ELMO1: variants seen among roughly 807,000 people sequenced by gnomAD.
ELMO1 encodes the protein engulfment and cell motility protein 1.
Under a neutral mutation model 98.9 loss-of-function variants are expected in ELMO1, and 26 were observed. That is an observed-to-expected ratio of 0.26 (90% confidence interval 0.19 to 0.36). The LOEUF is 0.36. ELMO1 is among the 10% of genes least tolerant of loss of function. The pLI, the probability that ELMO1 is intolerant of heterozygous loss-of-function variation, is 1.00. For synonymous variants in ELMO1, 346 were observed against 346.0 expected (o/e 1.00, Z 0.00); for missense variants, 627 against 935.2 (o/e 0.67, Z 4.30).
intron 15 of ELMO1, among the ~76,000 whole-genome samples, chr7:37,053,105 A>T (rs915371719): frequency 3.3e-5 from 5 of 152,202 alleles, no homozygotes; most frequent in African/African-American, 7.2e-5. Context: ...AAACACATTT[A>T]AAAAAGTCTT....
intron 4 of ELMO1, among the ~76,000 whole-genome samples, chr7:37,283,095 A>G (rs1797224138): frequency 6.6e-6 from 1 of 152,222 alleles, no homozygotes; most frequent in Non-Finnish European, 1.5e-5. Context: ...AAAGGAGCAG[A>G]CAGAGATGGG....
chr7:37,392,755 G>T (rs1233111419), intron 1 of ELMO1, among the ~76,000 whole-genome samples: 1 of 152,204 alleles, frequency 6.6e-6, no homozygotes, highest in African/African-American at 2.4e-5. Context: ...CTTGACGTCT[G>T]CCTACAGGGA....
chr7:37,150,541 G>A (rs2129317700), intron 13 of ELMO1, among the ~76,000 whole-genome samples: 1 of 152,090 alleles, frequency 6.6e-6, no homozygotes, highest in East Asian at 1.9e-4. Flanking sequence ...GAATGAAAAG[G>A]GTAGAAATAT....
chr7:36,916,531 A>T (rs1784702431), intron 16 of ELMO1, among the ~76,000 whole-genome samples: 1 of 152,264 alleles, frequency 6.6e-6, no homozygotes, highest in Non-Finnish European at 1.5e-5. Flanking sequence ...ATCAGTTTAT[A>T]TTAAGTAGTC....
In ELMO1 at chr7:37,390,099, G is replaced by A. The variant is rs1317360614; in HGVS notation, c.-73-47336C>T. ...TGTCTGTGTATAGGCTATCACAGCA[G>A]CAAGTTGTAAAACTGCACCATGGAC... On this transcript the variant is annotated intron_variant, in intron 1 of 21. Transcript: ENST00000310758. 2.6e-5 allele frequency among the ~76,000 whole-genome samples: 4 copies of A among 152,078 alleles called. No homozygotes were observed. In the East Asian group the frequency reaches 7.7e-4, roughly 29 times the overall value.
chr7:37,204,701 G>T (rs1421789153), intron 13 of ELMO1, among the ~76,000 whole-genome samples: 2 of 152,214 alleles, frequency 1.3e-5, no homozygotes, highest in Admixed American at 6.5e-5. Context: ...ACAGAGTGCT[G>T]ATTGGTCTGT....
chr7:36,909,193 A>G (rs143277619), intron 16 of ELMO1, among the ~76,000 whole-genome samples: 36 of 152,376 alleles, frequency 2.4e-4, no homozygotes, highest in African/African-American at 8.4e-4. Flanking sequence ...TGGTAAAAAG[A>G]TTAGTGAGTA....
At chr7:37,318,162 G>A (rs1007739576) in intron 2 of ELMO1, among the ~76,000 whole-genome samples, 3 of 152,136 alleles carry the variant, frequency 2.0e-5, no homozygotes, top group Non-Finnish European at 2.9e-5. Context: ...ACTGTTTATG[G>A]CTCTTGCTGT....
intron 2 of ELMO1, among the ~76,000 whole-genome samples, chr7:37,328,327 G>A (rs1054328743): frequency 4.9e-4 from 68 of 138,436 alleles, no homozygotes; most frequent in African/African-American, 1.7e-3. Context: ...AGGCTGTAGT[G>A]AGCCAGGATC....
At chr7:37,202,686 T>G (rs148617883) in intron 13 of ELMO1, among the ~76,000 whole-genome samples, 1 of 152,336 alleles carries the variant, frequency 6.6e-6, no homozygotes, top group Non-Finnish European at 1.5e-5. Flanking sequence ...TACTGAATGA[T>G]CTGTAGAAAT....
chr7:36,935,243 C>A (rs1220245743), intron 16 of ELMO1, among the ~76,000 whole-genome samples: 2 of 152,198 alleles, frequency 1.3e-5, no homozygotes, highest in Non-Finnish European at 2.9e-5. Context: ...CTCTTCTCAT[C>A]TGCTGCTGTG....
intron 15 of ELMO1, among the ~76,000 whole-genome samples, chr7:37,044,231 G>C (rs542289694): frequency 8.5e-5 from 13 of 152,250 alleles, no homozygotes; most frequent in African/African-American, 3.1e-4. Context: ...AGTCAGCAGG[G>C]ACTATGATTG....
At chr7:37,072,787 T>C (rs1015089759) in intron 15 of ELMO1, among the ~76,000 whole-genome samples, 3 of 152,226 alleles carry the variant, frequency 2.0e-5, no homozygotes, top group Admixed American at 6.5e-5. Context: ...ACCACTCACA[T>C]GCAATTACAA....
At chr7:37,377,207 T>C (rs371594114) in intron 1 of ELMO1, among the ~76,000 whole-genome samples, 1 of 152,224 alleles carries the variant, frequency 6.6e-6, no homozygotes, top group East Asian at 1.9e-4. Context: ...GTACAGTTTC[T>C]ACCGAATGCT....
At chr7:37,041,100 A>G (rs1490926493) in intron 15 of ELMO1, among the ~76,000 whole-genome samples, 1 of 152,098 alleles carries the variant, frequency 6.6e-6, no homozygotes, top group East Asian at 1.9e-4. Flanking sequence ...TAATAATAAA[A>G]TAAAATAAAT....
chr7:36,995,135 A>G (rs914362991), intron 16 of ELMO1, among the ~76,000 whole-genome samples: 3 of 152,222 alleles, frequency 2.0e-5, no homozygotes, highest in Non-Finnish European at 4.4e-5. Context: ...TAAAAAAGAA[A>G]AATATAATTA....
At chr7:37,122,941 G>A (rs1044098884) in intron 14 of ELMO1, among the ~76,000 whole-genome samples, 3 of 152,158 alleles carry the variant, frequency 2.0e-5, no homozygotes, top group Non-Finnish European at 2.9e-5. Context: ...CTGTCTCTCA[G>A]ACCACAGTGC....
intron 1 of ELMO1, among the ~76,000 whole-genome samples, chr7:37,386,701 G>A (rs976610130): frequency 6.6e-6 from 1 of 152,056 alleles, no homozygotes; most frequent in African/African-American, 2.4e-5. Context: ...GTCAGGTCGG[G>A]TAAGTAGAGA....
chr7:37,130,369 G>A (rs1786830605), intron 14 of ELMO1, among the ~76,000 whole-genome samples: 1 of 152,172 alleles, frequency 6.6e-6, no homozygotes, highest in African/African-American at 2.4e-5. Context: ...ACAAGCAAAG[G>A]TCCAGAGACA....
Sources: gnomAD v4.1 joint callset for allele counts (sites outside exome capture counted in the v4.1 genomes callset) on GRCh38, gnomAD v4.1.1 for gene constraint, MANE v1.5 for transcripts, NCBI Gene and HGNC (gene_info 2026-07-23, HGNC 2026-07-21) for gene names.